The following KANSL3 variants were observed in gnomAD, a reference collection of about 807,000 sequenced individuals.
KANSL3 encodes KAT8 regulatory NSL complex subunit 3.
Under a neutral mutation model 89.2 loss-of-function variants are expected in KANSL3, and 16 were observed. The ratio of observed to expected loss-of-function variants is 0.18; its 90% CI spans 0.12 to 0.27. The LOEUF (loss-of-function observed/expected upper bound fraction) is 0.27, where lower values mean the gene tolerates loss of function less well. Ranked by LOEUF, KANSL3 falls within the 10% of genes least tolerant of loss-of-function variation. KANSL3 has a pLI of 1.00. For missense variants in KANSL3, 879 were observed against 1,110.6 expected, an observed-to-expected ratio of 0.79 and a Z score of 2.96; for synonymous variants, 385 against 419.7, an observed-to-expected ratio of 0.92 and a Z score of 1.01.
chr2:96,633,734 G>A (rs1379365400), intron 2 of KANSL3, among the ~76,000 whole-genome samples: 1 of 151,192 alleles, frequency 6.6e-6, no homozygotes, highest in East Asian at 2.0e-4. Context: ...GTGTGGCAGC[G>A]TGCACCTATA....
At chr2:96,625,016 C>A (rs1005822404) in intron 3 of KANSL3, among the ~76,000 whole-genome samples, 2 of 151,934 alleles carry the variant, frequency 1.3e-5, no homozygotes, top group African/African-American at 2.4e-5. Context: ...TCAAGACCAG[C>A]GTGGCTAACA....
the KANSL3 span, among the ~76,000 whole-genome samples, chr2:96,580,826 A>G: frequency 6.6e-6 from 1 of 152,216 alleles, no homozygotes; most frequent in African/African-American, 2.4e-5. Context: ...GAGGTACAAG[A>G]CTTTTGTCTC....
At chr2:96,593,089 C>T (rs965558310), downstream of KANSL3, 2 of 363,086 alleles carry the variant, frequency 5.5e-6, no homozygotes, top group African/African-American at 4.2e-5. Context: ...TATCTTAGCT[C>T]TACCTTTGGT....
At chr2:96,604,136 G>A in intron 17 of KANSL3, 114 bp downstream of exon 17, 1 of 1,228,344 alleles carries the variant, frequency 8.1e-7, no homozygotes, top group Non-Finnish European at 1.1e-6. Context: ...ATCACTCTAA[G>A]ACCCAGAGGC....
At chr2:96,620,579 C>G (rs2071074044) in intron 3 of KANSL3, among the ~76,000 whole-genome samples, 1 of 152,166 alleles carries the variant, frequency 6.6e-6, no homozygotes, top group Admixed American at 6.5e-5. Context: ...TCCCCCTTCA[C>G]CCCACTCCCA....
intron 20 of KANSL3, among the ~76,000 whole-genome samples, chr2:96,598,864 C>T (rs923494828): frequency 4.9e-5 from 6 of 122,914 alleles, no homozygotes; most frequent in African/African-American, 6.5e-5. Flanking sequence ...GAGCTGAGAT[C>T]GTGCCACTGC....
At position 96,605,383 on chromosome 2, in the gene KANSL3, G is replaced by C; in HGVS notation, c.1870C>G (p.Leu624Val). 6.2e-7 allele frequency: 1 copy of C among 1,613,906 alleles called. No individual in the cohort carries two copies. The highest frequency in any genetic ancestry group is 8.5e-7 in the Non-Finnish European group (1 of 1,179,870). ...CCAGCTGTGTCCCCTTGGGAGATAA[G>C]GGACACCTTGATCTTCGGTCGTTTG... ...TSKRPKIKVS[L>V]ISQGDTAGGP... Residue 624 changes from leucine to valine, a missense_variant, in exon 15 of 21, where the codon CTT (leucine) becomes GTT (valine). Leu to Val is a conservative substitution (Grantham distance 32). Coordinates refer to ENST00000431828, the MANE Select transcript of KANSL3 (RefSeq NM_001115016.3).
rs1430889628 is a variant in KANSL3, at chr2:96,618,536, AC to A, written c.663+822del. Among the ~76,000 whole-genome samples, 8 of 152,320 alleles carry A rather than the reference AC, an allele frequency of 5.3e-5. No homozygotes were observed. In the East Asian group the frequency reaches 1.5e-3, roughly 29 times the overall value. On this transcript the variant is annotated intron_variant, in intron 5 of 20. Coordinates refer to ENST00000431828, the MANE Select transcript of KANSL3 (RefSeq NM_001115016.3). ...GCAAAACACCCCAAATATTTCAAGA[AC>A]CTATGAGGGTACTACTTAAATAACT...
chr2:96,613,546 G>A lies in KANSL3; in HGVS notation c.737C>T (p.Ser246Phe), dbSNP rs942254790. Reference sequence around the variant, plus strand: ...GTCCCAGGGCCTCTTCAGTAGGAGAGACAAGGCCTCAGCTCCTGCAGCCCC... The same window carrying A: ...GTCCCAGGGCCTCTTCAGTAGGAGAAACAAGGCCTCAGCTCCTGCAGCCCC... ...KTGAAGAEAL[S>F]LLLKRPWDPA... The change falls in exon 6 of 21, where the codon TCT becomes TTT. Residue 246 changes from serine to phenylalanine, a missense_variant. This residue lies in a region of KANSL3 where 4 missense variants were observed against 25.7 expected (regional missense o/e 0.16). Transcript: ENST00000431828. The A allele has an allele frequency of 3.1e-6, 5 of 1,613,422 alleles. No homozygotes were observed. In the African/African-American group the frequency reaches 6.7e-5, roughly 22 times the overall value.
chr2:96,625,905 A>G (rs1220168269), intron 3 of KANSL3, among the ~76,000 whole-genome samples: 1 of 152,246 alleles, frequency 6.6e-6, no homozygotes, highest in Admixed American at 6.5e-5. Flanking sequence ...TTTTAAATAC[A>G]AGCCTAAACA....
intron 20 of KANSL3, among the ~76,000 whole-genome samples, chr2:96,597,837 G>A (rs915242221): frequency 6.6e-5 from 10 of 152,210 alleles, no homozygotes; most frequent in African/African-American, 2.2e-4. Flanking sequence ...TCTTGACCTC[G>A]TGATCCACCC....
intron 20 of KANSL3, 79 bp downstream of exon 20, chr2:96,601,564 C>T: frequency 6.5e-7 from 1 of 1,542,502 alleles, no homozygotes; most frequent in Non-Finnish European, 8.7e-7. Flanking sequence ...CATGGGCAGC[C>T]CCTTCAATCA....
the KANSL3 span, among the ~76,000 whole-genome samples, chr2:96,584,384 G>A: frequency 1.3e-4 from 20 of 152,268 alleles, no homozygotes; most frequent in East Asian, 1.2e-3. Context: ...ATTTCAAAGC[G>A]TGTATACAAT....
At chr2:96,624,767 C>G (rs2071989358) in intron 3 of KANSL3, among the ~76,000 whole-genome samples, 1 of 152,068 alleles carries the variant, frequency 6.6e-6, no homozygotes, top group Non-Finnish European at 1.5e-5. Context: ...AGTGATCTGC[C>G]CACCTCAGCC....
chr2:96,585,726 A>G, the KANSL3 span, among the ~76,000 whole-genome samples: 3 of 152,174 alleles, frequency 2.0e-5, no homozygotes, highest in Non-Finnish European at 4.4e-5. Context: ...CCCATCAACC[A>G]AAGAGTGGAT....
intron 3 of KANSL3, among the ~76,000 whole-genome samples, chr2:96,626,186 G>T (rs2072268986): frequency 6.6e-6 from 1 of 152,116 alleles, no homozygotes; most frequent in Admixed American, 6.5e-5. Context: ...TTTCAAAGAA[G>T]ACTAATTAAT....
intron 3 of KANSL3, among the ~76,000 whole-genome samples, chr2:96,623,945 C>T (rs2071807090): frequency 6.6e-6 from 1 of 152,236 alleles, no homozygotes; most frequent in African/African-American, 2.4e-5. Context: ...AGCCACCCAT[C>T]CTTTTGTAAC....
intron 5 of KANSL3, among the ~76,000 whole-genome samples, chr2:96,618,911 A>G (rs1247111107): frequency 6.6e-6 from 1 of 152,260 alleles, no homozygotes; most frequent in Non-Finnish European, 1.5e-5. Flanking sequence ...TAAAAGTCTA[A>G]GTGTTGCTAC....
chr2:96,612,957 A>G, intron 6 of KANSL3, 23 bp from the exon 7 acceptor site: 1 of 1,471,254 alleles, frequency 6.8e-7, no homozygotes, highest in Non-Finnish European at 9.3e-7. Flanking sequence ...AATCCCACCC[A>G]AAAACCAGTG....
Sources: gnomAD v4.1 joint callset for allele counts (sites outside exome capture counted in the v4.1 genomes callset) on GRCh38, gnomAD v4.1.1 for gene constraint, gnomAD v4.1.1 regional missense constraint, MANE v1.5 for transcripts, NCBI Gene and HGNC (gene_info 2026-07-23, HGNC 2026-07-21) for gene names.